The following TEAD4 variants were observed in gnomAD, a reference collection of about 807,000 sequenced individuals.
The protein encoded by TEAD4 is TEA domain transcription factor 4.
In TEAD4, 36 loss-of-function variants were observed where a neutral mutation model predicts 52.4. The ratio of observed to expected loss-of-function variants is 0.69; its 90% CI spans 0.53 to 0.91. The LOEUF (loss-of-function observed/expected upper bound fraction) is 0.91. Among genes scored for constraint, TEAD4 ranks in the 40% least tolerant of loss-of-function variants. The pLI is 0.00. For synonymous variants in TEAD4, 220 were observed against 231.0 expected, an observed-to-expected ratio of 0.95 and a Z score of 0.43; for missense variants, 508 against 583.9, an observed-to-expected ratio of 0.87 and a Z score of 1.34.
At chr12:3,011,128 C>G (rs2098259975) in intron 4 of TEAD4, 60 bp downstream of exon 4, 1 of 1,589,320 alleles carries the variant, frequency 6.3e-7, no homozygotes, top group Middle Eastern at 1.7e-4. Context: ...AGTCTGCTCC[C>G]AAGGTGGGCC....
At chr12:2,972,282 G>A (rs2153952858) in intron 2 of TEAD4, among the ~76,000 whole-genome samples, 1 of 151,816 alleles carries the variant, frequency 6.6e-6, no homozygotes, top group Non-Finnish European at 1.5e-5. Context: ...GGATCTCACT[G>A]TGTTGCCCAG....
At position 3,018,583 on chromosome 12, in the gene TEAD4, C is replaced by T; in HGVS notation, c.522C>T (p.Ser174=). ...CTTTGCCAGGCCAAGCCGGAACGTCCCATGAGTGAGTATGGCCTCTGGTTT... is the reference window on the plus strand; with the variant it reads ...CTTTGCCAGGCCAAGCCGGAACGTCTCATGAGTGAGTATGGCCTCTGGTTT... Residue 174 remains serine (S), a synonymous_variant, in exon 7 of 13, where the codon TCC becomes TCT. Transcript: ENST00000359864. 6.2e-7 allele frequency: 1 copy of T among 1,614,092 alleles called. No individual in the cohort carries two copies. The highest frequency in any genetic ancestry group is 8.5e-7 in the Non-Finnish European group (1 of 1,179,976).
At chr12:3,033,461 G>T (rs2098277189) in intron 10 of TEAD4, among the ~76,000 whole-genome samples, 1 of 152,216 alleles carries the variant, frequency 6.6e-6, no homozygotes, top group Non-Finnish European at 1.5e-5. Flanking sequence ...GCCTTTGGTG[G>T]CCATTAACGC....
At chr12:3,013,274 T>C (rs2098261839) in intron 5 of TEAD4, among the ~76,000 whole-genome samples, 1 of 142,132 alleles carries the variant, frequency 7.0e-6, no homozygotes, top group Non-Finnish European at 1.5e-5. Flanking sequence ...TTTTTTTTTT[T>C]TTTTAGCAAT....
At chr12:3,008,227 G>A (rs1377906384) in intron 3 of TEAD4, among the ~76,000 whole-genome samples, 1 of 152,176 alleles carries the variant, frequency 6.6e-6, no homozygotes. Flanking sequence ...CCCTCAGTGG[G>A]GTGGTCAGGG....
intron 5 of TEAD4, among the ~76,000 whole-genome samples, chr12:3,016,323 C>G (rs946202819): frequency 2.0e-5 from 3 of 152,160 alleles, no homozygotes; most frequent in Admixed American, 1.3e-4. Flanking sequence ...CCACCACTTC[C>G]GGCCAGGTAT....
In TEAD4 at chr12:3,040,146, C is replaced by A. The variant is rs148295237; in HGVS notation, c.1078C>A (p.Arg360Ser). The A allele has an allele frequency of 1.9e-6, 3 of 1,614,152 alleles. No individual in the cohort carries two copies. The Admixed American group carries it at 5.0e-5, about 27-fold the overall frequency. Residue 360 changes from arginine (R) to serine (S), a missense_variant, in exon 12 of 13, where the codon CGC becomes AGC. By Grantham distance (110) the Arg-to-Ser change is moderately radical (BLOSUM62 -1). Transcript: ENST00000359864. ...CTATGAGAATGGACACTACTCTTAC[C>A]GCATCCACCGGTCCCCGCTCTGTGA...
intron 2 of TEAD4, among the ~76,000 whole-genome samples, chr12:2,992,187 T>A (rs945200130): frequency 6.6e-6 from 1 of 152,002 alleles, no homozygotes. Context: ...CCCGGCTAAT[T>A]TTTTTATTTT....
At chr12:2,997,480 TGCTTTGGTGGA>T (rs1310561404) in intron 3 of TEAD4, among the ~76,000 whole-genome samples, 2 of 152,168 alleles carry the variant, frequency 1.3e-5, no homozygotes, top group Non-Finnish European at 2.9e-5. Context: ...CCCCGGGCTC[TGCTTTGGTGGA>T]GGAGGGGATG....
At chr12:3,017,058 A>G (rs1483939705) in intron 5 of TEAD4, 2 of 479,298 alleles carry the variant, frequency 4.2e-6, no homozygotes, top group South Asian at 3.1e-5. Flanking sequence ...CATCGTTTTC[A>G]CAAGACAGGT....
chr12:2,989,416 G>T (rs924340289), intron 2 of TEAD4, among the ~76,000 whole-genome samples: 1 of 152,090 alleles, frequency 6.6e-6, no homozygotes, highest in Non-Finnish European at 1.5e-5. Flanking sequence ...TAGTGTTACT[G>T]TTACGAAGTT....
At chr12:3,001,465 T>G (rs1245786258) in intron 3 of TEAD4, among the ~76,000 whole-genome samples, 2 of 152,212 alleles carry the variant, frequency 1.3e-5, no homozygotes, top group Non-Finnish European at 2.9e-5. Context: ...TTGCCTATTC[T>G]AGGCATTTCA....
intron 10 of TEAD4, among the ~76,000 whole-genome samples, chr12:3,034,047 C>T (rs1459435325): frequency 6.6e-6 from 1 of 151,374 alleles, no homozygotes; most frequent in Non-Finnish European, 1.5e-5. Context: ...CTCTTTCTCC[C>T]CCTGACCCAT....
intron 10 of TEAD4, among the ~76,000 whole-genome samples, chr12:3,028,918 G>A (rs991246706): frequency 5.3e-5 from 8 of 151,570 alleles, no homozygotes; most frequent in South Asian, 2.1e-4. Context: ...CGTGTGAGCC[G>A]CTGTCCCCAA....
chr12:3,003,625 G>C (rs114359960), intron 3 of TEAD4, among the ~76,000 whole-genome samples: 1 of 152,138 alleles, frequency 6.6e-6, no homozygotes, highest in African/African-American at 2.4e-5. Flanking sequence ...GTTTCTCCAC[G>C]GGCAGCCTTC....
rs542277523 is a variant in TEAD4, at chr12:2,962,776, A to G, written c.-30+2736A>G. ...CCACTGCGCCTGGCCTAAGTCTCCC[A>G]TTTTAAAGATGGGGAAACTGATGCT... On this transcript the variant is annotated intron_variant, in intron 2 of 12. Coordinates refer to ENST00000359864, the MANE Select transcript of TEAD4 (RefSeq NM_003213.4). 6.6e-5 allele frequency among the ~76,000 whole-genome samples: 10 copies of G among 152,244 alleles called. No individual in the cohort carries two copies. In the South Asian group the frequency reaches 1.7e-3, roughly 25 times the overall value.
chr12:2,966,867 T>A (rs557431023), intron 2 of TEAD4, among the ~76,000 whole-genome samples: 3 of 152,206 alleles, frequency 2.0e-5, no homozygotes, highest in South Asian at 2.1e-4. Context: ...CCACCACGCC[T>A]GGCTAATTTT....
intron 3 of TEAD4, among the ~76,000 whole-genome samples, chr12:3,002,792 G>T (rs1447679925): frequency 6.6e-6 from 1 of 152,188 alleles, no homozygotes; most frequent in Non-Finnish European, 1.5e-5. Context: ...GAATGGGCAT[G>T]CCCTCTTGGG....
At position 2,994,816 on chromosome 12, in the gene TEAD4, C is replaced by T; in HGVS notation, c.50C>T (p.Thr17Ile). 6.2e-7 allele frequency: 1 copy of T among 1,613,920 alleles called. No individual in the cohort carries two copies. Among genetic ancestry groups the T allele is most frequent in the Non-Finnish European group, 8.5e-7 (1 of 1,179,972 alleles). ...ACCTCCAACGAGTGGAGCTCTCCCA[C>T]CTCCCCTGAGGGGAGCACCGCCTCT... The change falls in exon 3 of 13, where the codon ACC becomes ATC. Residue 17 changes from threonine to isoleucine, a missense_variant. Transcript: ENST00000359864. The surrounding 1 kb of genome is among the most constrained non-coding windows in gnomAD (Gnocchi z 4.7).
Sources: allele counts gnomAD v4.1 joint callset (sites outside exome capture counted in the v4.1 genomes callset), GRCh38; gene constraint gnomAD v4.1.1; non-coding constraint Gnocchi (gnomAD v3.1); transcripts MANE v1.5; gene names NCBI Gene and HGNC (gene_info 2026-07-23, HGNC 2026-07-21).